Variants in TLN2 observed in about 807,000 individuals in gnomAD.
The protein encoded by TLN2 is talin-2.
A neutral mutation model predicts 294.7 loss-of-function variants in TLN2; 118 were observed. That is an observed-to-expected ratio of 0.40 (90% CI 0.34 to 0.47). TLN2 has a LOEUF of 0.47. Among genes scored for constraint, TLN2 ranks in the 20% least tolerant of loss-of-function variants. The pLI, the probability that TLN2 is intolerant of heterozygous loss-of-function variation, is 0.84. For missense variants in TLN2, 3,083 were observed against 3,282.2 expected, an observed-to-expected ratio of 0.94 and a Z score of 1.48; for synonymous variants, 1,431 against 1,304.5, an observed-to-expected ratio of 1.10 and a Z score of -2.09.
chr15:62,756,654 G>A (rs547839132), intron 37 of TLN2, among the ~76,000 whole-genome samples: 1 of 152,282 alleles, frequency 6.6e-6, no homozygotes, highest in African/African-American at 2.4e-5. Context: ...TGGCTTTGCT[G>A]CTGGGACAGT....
rs1595843004 is a variant in TLN2, at chr15:62,739,025, A to G, written c.3688-323A>G. On this transcript the variant is annotated intron_variant, in intron 30 of 58. Coordinates refer to ENST00000636159, the MANE Select transcript of TLN2 (RefSeq NM_015059.3). The stretch of plus-strand genomic sequence containing the variant: ...GAGACAAAATAGGGTAGAGTTTTAG[A>G]GAATGGACCCTGGAGTCGGATTGCC... Among the ~76,000 whole-genome samples the G allele has an allele frequency of 2.0e-5, 3 of 152,182 alleles. No individual in the cohort carries two copies. In the South Asian group the frequency reaches 6.2e-4, roughly 32 times the overall value.
chr15:62,651,664 G>A (rs769964371), intron 5 of TLN2, among the ~76,000 whole-genome samples: 3 of 152,074 alleles, frequency 2.0e-5, no homozygotes, highest in Non-Finnish European at 2.9e-5. Context: ...AGTGCAGGGC[G>A]GCTTATGGAA....
intron 50 of TLN2, 52 bp from the exon 51 acceptor site, chr15:62,805,548 T>C (rs2066220472): frequency 6.6e-7 from 1 of 1,519,404 alleles, no homozygotes; most frequent in African/African-American, 1.4e-5. Context: ...GAATAAATTA[T>C]TTTTTTCGTT....
intron 51 of TLN2, among the ~76,000 whole-genome samples, chr15:62,808,193 A>C (rs2066426274): frequency 6.6e-6 from 1 of 152,202 alleles, no homozygotes; most frequent in Non-Finnish European, 1.5e-5. Flanking sequence ...ACCCTAAGTT[A>C]ATTCTCATGC....
chr15:62,658,129 AC>A, intron 9 of TLN2: 1 of 218,634 alleles, frequency 4.6e-6, no homozygotes, highest in Non-Finnish European at 8.7e-6. Context: ...GTCCCCCTCC[AC>A]CCCCTTTTTT....
At chr15:62,607,641 G>A (rs1288719673) in intron 2 of TLN2, among the ~76,000 whole-genome samples, 1 of 152,182 alleles carries the variant, frequency 6.6e-6, no homozygotes, top group African/African-American at 2.4e-5. Context: ...TGTAGAAGGG[G>A]CCCTTTTGGT....
At chr15:62,541,078 C>T (rs2041657595) in intron 1 of TLN2, among the ~76,000 whole-genome samples, 1 of 152,046 alleles carries the variant, frequency 6.6e-6, no homozygotes, top group African/African-American at 2.4e-5. Flanking sequence ...TAAATTTTCG[C>T]ACGGGGCTGG....
At chr15:62,770,065 GAA>G (rs1187323894) in intron 41 of TLN2, among the ~76,000 whole-genome samples, 1 of 152,212 alleles carries the variant, frequency 6.6e-6, no homozygotes, top group Non-Finnish European at 1.5e-5. Flanking sequence ...CAATGAAAGT[GAA>G]AGAGACCACA....
Position 62,838,839 on chromosome 15 carries a change from T to A in TLN2, c.7375-17T>A, listed in dbSNP as rs372898392. ...GCTGTTTCTAATGATATAATGTATGTTTTGTTCACTCTCCAGGCGGCAGGA... is the reference window on the plus strand; with the variant it reads ...GCTGTTTCTAATGATATAATGTATGATTTGTTCACTCTCCAGGCGGCAGGA... On this transcript the variant is annotated splice_polypyrimidine_tract_variant and intron_variant, in intron 57 of 58. Coordinates refer to ENST00000636159, the MANE Select transcript of TLN2 (RefSeq NM_015059.3). The A allele has an allele frequency of 1.7e-5, 28 of 1,607,944 alleles. No individual in the cohort carries two copies. In the African/African-American group the frequency reaches 3.4e-4, roughly 20 times the overall value.
At position 62,417,687 on chromosome 15, in the gene TLN2, C is replaced by T. The variant is rs531611384; in HGVS notation, c.-238+27002C>T. Among the ~76,000 whole-genome samples, 9 of 152,308 alleles carry T rather than the reference C, an allele frequency of 5.9e-5. No individual in the cohort carries two copies. In the South Asian group the frequency reaches 1.7e-3, roughly 28 times the overall value. ...GTGAATTTAGAGCTAAGAAAAGCTT[C>T]TCAGGGCTACAGGCTCTGGTGGTAG... On this transcript the variant is annotated intron_variant, in intron 1 of 58. Coordinates refer to ENST00000636159, the MANE Select transcript of TLN2 (RefSeq NM_015059.3).
chr15:62,670,927 T>C (rs1396305161), intron 9 of TLN2, among the ~76,000 whole-genome samples: 3 of 152,234 alleles, frequency 2.0e-5, no homozygotes, highest in African/African-American at 7.2e-5. Context: ...CCAGTTTCTC[T>C]ATGCCTTTGT....
chr15:62,606,949 A>G (rs749222825), intron 2 of TLN2, among the ~76,000 whole-genome samples: 9 of 152,134 alleles, frequency 5.9e-5, no homozygotes, highest in Admixed American at 2.6e-4. Context: ...TGTGGTCCCT[A>G]TCACCACCTC....
At chr15:62,614,593 C>T (rs962372992) in intron 2 of TLN2, among the ~76,000 whole-genome samples, 14 of 152,190 alleles carry the variant, frequency 9.2e-5, no homozygotes, top group Admixed American at 1.3e-4. Flanking sequence ...AAAAGGACTG[C>T]GAAGGAAGCC....
intron 35 of TLN2, among the ~76,000 whole-genome samples, chr15:62,752,781 T>C (rs917966743): frequency 6.6e-6 from 1 of 152,190 alleles, no homozygotes; most frequent in Non-Finnish European, 1.5e-5. Flanking sequence ...AATGCGAAAC[T>C]GTTATGTCAT....
At chr15:62,491,347 TATATACACACACACACACACAC>T (rs1430410673) in intron 1 of TLN2, among the ~76,000 whole-genome samples, 8 of 82,308 alleles carry the variant, frequency 9.7e-5, no homozygotes, top group African/African-American at 2.6e-4. Context: ...AATATATATA[TATATACACACACACACACACAC>T]ACACACACAC....
intron 1 of TLN2, among the ~76,000 whole-genome samples, chr15:62,401,042 C>T (rs879819024): frequency 9.9e-5 from 15 of 152,086 alleles, no homozygotes; most frequent in Non-Finnish European, 2.1e-4. Flanking sequence ...TCTCAAACTC[C>T]TGAGCTCAAG....
intron 54 of TLN2, among the ~76,000 whole-genome samples, chr15:62,822,863 GA>G (rs2141211719): frequency 6.6e-6 from 1 of 152,276 alleles, no homozygotes; most frequent in Non-Finnish European, 1.5e-5. Flanking sequence ...AATAAGTAGG[GA>G]ATGTACAAGA....
intron 1 of TLN2, among the ~76,000 whole-genome samples, chr15:62,454,232 G>A (rs1458717752): frequency 1.3e-5 from 2 of 152,186 alleles, no homozygotes; most frequent in African/African-American, 4.8e-5. Flanking sequence ...TTCCACTGAT[G>A]TCAGTTTATA....
At chr15:62,718,112 C>G (rs984728919) in intron 24 of TLN2, among the ~76,000 whole-genome samples, 7 of 152,252 alleles carry the variant, frequency 4.6e-5, no homozygotes, top group Admixed American at 4.6e-4. Flanking sequence ...TTCATCCCAT[C>G]TAGCCTCTGT....
Sources: gnomAD v4.1 joint callset for allele counts (sites outside exome capture counted in the v4.1 genomes callset) on GRCh38, gnomAD v4.1.1 for gene constraint, MANE v1.5 for transcripts, NCBI Gene and HGNC (gene_info 2026-07-23, HGNC 2026-07-21) for gene names.